Variants in GALNTL6 observed in about 807,000 individuals in gnomAD.
GALNTL6 encodes the protein polypeptide N-acetylgalactosaminyltransferase-like 6.
In GALNTL6, 46 loss-of-function variants were observed where a neutral mutation model predicts 73.7. The observed-to-expected ratio is 0.62, with a 90% CI of 0.49 to 0.80. The LOEUF (loss-of-function observed/expected upper bound fraction) is 0.80. Ranked by LOEUF, GALNTL6 falls within the 30% of genes least tolerant of loss-of-function variation. The pLI, the probability that GALNTL6 is intolerant of heterozygous loss-of-function variation, is 0.00. For missense variants in GALNTL6, 604 were observed against 755.0 expected (o/e 0.80, Z 2.34); for synonymous variants, 259 against 263.7 (o/e 0.98, Z 0.17).
At chr4:172,077,422 G>A (rs374583342) in intron 2 of GALNTL6, among the ~76,000 whole-genome samples, 1 of 152,162 alleles carries the variant, frequency 6.6e-6, no homozygotes, top group African/African-American at 2.4e-5. Context: ...GGAACTTACT[G>A]GGAACAGGAG....
chr4:171,884,162 G>A (rs1344015381), intron 2 of GALNTL6, among the ~76,000 whole-genome samples: 1 of 152,086 alleles, frequency 6.6e-6, no homozygotes, highest in Non-Finnish European at 1.5e-5. Context: ...AAACCTGTCT[G>A]AGGCCACAGT....
chr4:172,543,349 T>C (rs1735642411), intron 5 of GALNTL6, among the ~76,000 whole-genome samples: 1 of 152,218 alleles, frequency 6.6e-6, no homozygotes, highest in African/African-American at 2.4e-5. Context: ...TAATTGGCTT[T>C]ATCCAAAAGC....
At chr4:172,196,302 CA>C (rs1735768240) in intron 2 of GALNTL6, among the ~76,000 whole-genome samples, 2 of 152,002 alleles carry the variant, frequency 1.3e-5, no homozygotes, top group Admixed American at 6.6e-5. Flanking sequence ...GAGGCTGTAA[CA>C]AATAGCCACC....
At chr4:172,653,367 A>AT (rs1740581291) in intron 5 of GALNTL6, among the ~76,000 whole-genome samples, 4 of 151,750 alleles carry the variant, frequency 2.6e-5, no homozygotes, top group Middle Eastern at 3.4e-3. Context: ...TTATAGGCTT[A>AT]TGCCACCATA....
At chr4:171,983,086 C>G (rs1739954295) in intron 2 of GALNTL6, among the ~76,000 whole-genome samples, 1 of 152,082 alleles carries the variant, frequency 6.6e-6, no homozygotes, top group South Asian at 2.1e-4. Context: ...GACAGATGCT[C>G]CTATGATTTA....
At chr4:172,956,201 C>T (rs1466262909) in intron 10 of GALNTL6, among the ~76,000 whole-genome samples, 3 of 151,910 alleles carry the variant, frequency 2.0e-5, no homozygotes, top group Non-Finnish European at 2.9e-5. Context: ...TTAGGAGTGG[C>T]GTGGGAACCT....
chr4:172,324,738 G>C (rs2111170041), intron 4 of GALNTL6, among the ~76,000 whole-genome samples: 1 of 150,788 alleles, frequency 6.6e-6, no homozygotes, highest in South Asian at 2.1e-4. Context: ...TATTTTCTTT[G>C]ACCAAACTTC....
intron 5 of GALNTL6, among the ~76,000 whole-genome samples, chr4:172,662,548 C>T (rs748353685): frequency 7.9e-5 from 12 of 152,210 alleles, no homozygotes; most frequent in Non-Finnish European, 1.5e-4. Context: ...AATTCACCTA[C>T]AATTAACATG....
chr4:173,011,652 G>A (rs1407486908), intron 11 of GALNTL6, among the ~76,000 whole-genome samples: 12 of 152,150 alleles, frequency 7.9e-5, no homozygotes, highest in Admixed American at 2.0e-4. Flanking sequence ...CCCAGTGTAC[G>A]TTCTTGGTAC....
At chr4:171,978,813 A>ATGG (rs10694806) in intron 2 of GALNTL6, among the ~76,000 whole-genome samples, 12,423 of 152,186 alleles carry the variant, frequency 0.082, 1,395 homozygotes, top group African/African-American at 0.26. Context: ...ATTTTGCAAA[A>ATGG]TGGAGAGCTT....
intron 5 of GALNTL6, chr4:172,666,983 A>G (rs1560867405): frequency 6.6e-6 from 1 of 152,210 alleles, no homozygotes; most frequent in Admixed American, 6.5e-5. Context: ...CTGGTGGACA[A>G]TCTAGTGCCA....
intron 2 of GALNTL6, among the ~76,000 whole-genome samples, chr4:171,871,048 A>T (rs1736120971): frequency 2.0e-5 from 3 of 152,204 alleles, no homozygotes; most frequent in Admixed American, 2.0e-4. Context: ...ATTAAAAATA[A>T]AACTAATTTA....
At chr4:171,847,934 C>A (rs1260030229) in intron 2 of GALNTL6, among the ~76,000 whole-genome samples, 1 of 152,168 alleles carries the variant, frequency 6.6e-6, no homozygotes, top group Non-Finnish European at 1.5e-5. Context: ...TCCCATGAAT[C>A]ACAAACGTTC....
chr4:172,952,058 A>G lies in GALNTL6; in HGVS notation c.1171A>G (p.Thr391Ala). ...LARNLKRVAE[T>A]WMDEFAEYIY... ...ACAGAACCTGAAGCGGGTAGCTGAG[A>G]CCTGGATGGATGAATTTGCCGAGTA... Residue 391 changes from threonine (T) to alanine (A), a missense_variant, in exon 10 of 13, where the codon ACC becomes GCC. Thr to Ala is a moderately conservative substitution (Grantham distance 58). Transcript: ENST00000506823. The G allele has an allele frequency of 6.2e-7, 1 of 1,613,960 alleles. No homozygotes were observed. The highest frequency in any genetic ancestry group is 1.1e-5 in the South Asian group (1 of 91,062).
intron 2 of GALNTL6, among the ~76,000 whole-genome samples, chr4:172,196,005 G>GT (rs1267765683): frequency 4.3e-5 from 5 of 116,202 alleles, no homozygotes; most frequent in African/African-American, 1.4e-4. Context: ...CCAGGAGCTG[G>GT]GTTTTTTTTT....
At chr4:172,466,513 A>C (rs961782628) in intron 5 of GALNTL6, among the ~76,000 whole-genome samples, 21 of 152,230 alleles carry the variant, frequency 1.4e-4, no homozygotes, top group African/African-American at 4.8e-4. Flanking sequence ...GTTACATTGA[A>C]GACAAAGATT....
chr4:172,253,168 T>G (rs1737942015), intron 3 of GALNTL6, among the ~76,000 whole-genome samples: 1 of 151,992 alleles, frequency 6.6e-6, no homozygotes, highest in East Asian at 1.9e-4. Flanking sequence ...TATTTTAAAT[T>G]TTAAATTAAA....
chr4:171,829,553 T>G (rs924835910), intron 2 of GALNTL6, among the ~76,000 whole-genome samples: 2 of 152,158 alleles, frequency 1.3e-5, no homozygotes, highest in Non-Finnish European at 2.9e-5. Flanking sequence ...ATCATACTTT[T>G]TCCCCCTGGA....
intron 2 of GALNTL6, among the ~76,000 whole-genome samples, chr4:172,004,149 T>C (rs943275857): frequency 2.6e-5 from 4 of 152,282 alleles, no homozygotes; most frequent in Non-Finnish European, 5.9e-5. Context: ...TTTACAATAA[T>C]TTATTCTTTG....
Sources: gnomAD v4.1 joint callset for allele counts (sites outside exome capture counted in the v4.1 genomes callset) on GRCh38, gnomAD v4.1.1 for gene constraint, MANE v1.5 for transcripts, NCBI Gene and HGNC (gene_info 2026-07-23, HGNC 2026-07-21) for gene names.